NAALADL2: variants seen among roughly 807,000 people sequenced by gnomAD.
NAALADL2 encodes the protein inactive N-acetylated-alpha-linked acidic dipeptidase-like protein 2.
NAALADL2 carries 76 observed loss-of-function variants against 87.2 expected under a neutral mutation model. The observed-to-expected ratio is 0.87, with a 90% CI of 0.72 to 1.05. NAALADL2 has a LOEUF of 1.05. Among genes scored for constraint, NAALADL2 ranks in the 50% least tolerant of loss-of-function variants. The probability of loss-of-function intolerance (pLI) is 0.00; values close to 1 mark genes in which losing one functional copy is unlikely to be tolerated. For missense variants in NAALADL2, 1,089 were observed against 945.8 expected, an observed-to-expected ratio of 1.15 and a Z score of -1.99; for synonymous variants, 354 against 331.0, an observed-to-expected ratio of 1.07 and a Z score of -0.75.
At chr3:175,605,879 A>T (rs1723666228) in intron 10 of NAALADL2, among the ~76,000 whole-genome samples, 1 of 152,134 alleles carries the variant, frequency 6.6e-6, no homozygotes, top group South Asian at 2.1e-4. Flanking sequence ...ACTCAGGGTG[A>T]ATAAAATAAC....
chr3:175,139,734 A>G (rs1729708436), intron 2 of NAALADL2, among the ~76,000 whole-genome samples: 1 of 152,182 alleles, frequency 6.6e-6, no homozygotes, highest in African/African-American at 2.4e-5. Context: ...CTTATATTTG[A>G]AGATTGCATT....
chr3:174,979,255 T>C (rs1744776873), intron 1 of NAALADL2, among the ~76,000 whole-genome samples: 1 of 151,666 alleles, frequency 6.6e-6, no homozygotes, highest in Non-Finnish European at 1.5e-5. Context: ...ATCACAGTAT[T>C]GTAATAAAAG....
chr3:175,040,038 C>T (rs1284496841), intron 1 of NAALADL2, among the ~76,000 whole-genome samples: 1 of 152,166 alleles, frequency 6.6e-6, no homozygotes. Flanking sequence ...TATGTGCACA[C>T]ACACGCATAC....
chr3:175,484,821 A>G (rs1418849715), intron 9 of NAALADL2, among the ~76,000 whole-genome samples: 1 of 152,136 alleles, frequency 6.6e-6, no homozygotes, highest in Non-Finnish European at 1.5e-5. Context: ...TTTTTGTCAC[A>G]TGGAAACAAG....
intron 1 of NAALADL2, among the ~76,000 whole-genome samples, chr3:174,998,802 C>T (rs1021420147): frequency 3.3e-5 from 5 of 152,244 alleles, no homozygotes; most frequent in Admixed American, 3.3e-4. Context: ...CCAGGCAAAA[C>T]CTATATTTTA....
intron 2 of NAALADL2, among the ~76,000 whole-genome samples, chr3:174,726,730 T>G (rs1263416349): frequency 6.6e-6 from 1 of 152,158 alleles, no homozygotes; most frequent in African/African-American, 2.4e-5. Flanking sequence ...GGCTCTTCTT[T>G]TCTTGCCCCT....
chr3:175,003,111 T>C (rs1257304991), intron 1 of NAALADL2, among the ~76,000 whole-genome samples: 3 of 152,224 alleles, frequency 2.0e-5, no homozygotes, highest in Admixed American at 6.5e-5. Flanking sequence ...CTTGACACTT[T>C]TCTGCTCATC....
chr3:175,783,668 T>A (rs535789684), intron 13 of NAALADL2, among the ~76,000 whole-genome samples: 2 of 152,084 alleles, frequency 1.3e-5, no homozygotes, highest in Admixed American at 6.5e-5. Context: ...TTTGACTTCC[T>A]CTTTTCCTAA....
intron 2 of NAALADL2, among the ~76,000 whole-genome samples, chr3:175,219,118 CAT>C (rs1354948178): frequency 6.6e-6 from 1 of 151,906 alleles, no homozygotes; most frequent in African/African-American, 2.4e-5. Flanking sequence ...TCTTCATATA[CAT>C]ATATATGCAT....
chr3:175,732,861 A>C (rs1445972557), intron 11 of NAALADL2, among the ~76,000 whole-genome samples: 1 of 151,396 alleles, frequency 6.6e-6, no homozygotes, highest in African/African-American at 2.4e-5. Flanking sequence ...CAATGAGAAC[A>C]CATGTACATG....
intron 2 of NAALADL2, among the ~76,000 whole-genome samples, chr3:174,696,924 G>A (rs1261090392): frequency 1.3e-5 from 2 of 152,062 alleles, no homozygotes; most frequent in African/African-American, 4.8e-5. Flanking sequence ...TTCAACAAGT[G>A]TAAAATTCAA....
chr3:174,855,773 AATAC>A (rs1179521288), upstream of NAALADL2, among the ~76,000 whole-genome samples: 1 of 77,838 alleles, frequency 1.3e-5, no homozygotes, highest in African/African-American at 5.6e-5. Flanking sequence ...TCAGGAGAGA[AATAC>A]ACACACACAC....
Position 174,589,877 on chromosome 3 carries a change from G to A in NAALADL2, c.-115+39240G>A, listed in dbSNP as rs193002924. Among the ~76,000 whole-genome samples, 829 of 149,520 alleles carry A rather than the reference G, an allele frequency of 5.5e-3. 12 individuals are homozygous for A. Among genetic ancestry groups the A allele is most frequent in the African/African-American group, 0.019 (766 of 40,772 alleles). On this transcript the variant is annotated intron_variant, in intron 2 of 3. Transcript: ENST00000434257. ...GCTGTGTTTTTTTTTTTTGAAAAAAGTCATATATATATTTGAAAATGCCAT... is the reference window on the plus strand; with the variant it reads ...GCTGTGTTTTTTTTTTTTGAAAAAAATCATATATATATTTGAAAATGCCAT...
chr3:175,089,767 A>T (rs1719732160), intron 1 of NAALADL2, among the ~76,000 whole-genome samples: 1 of 152,190 alleles, frequency 6.6e-6, no homozygotes, highest in Admixed American at 6.5e-5. Flanking sequence ...AAAAAATAAG[A>T]TTAAAAACAA....
chr3:174,706,315 G>T (rs1730063308), intron 2 of NAALADL2, among the ~76,000 whole-genome samples: 1 of 152,122 alleles, frequency 6.6e-6, no homozygotes, highest in African/African-American at 2.4e-5. Flanking sequence ...AAAATGTATT[G>T]CAGGCCTAAA....
chr3:174,717,104 A>G (rs1731261851), intron 2 of NAALADL2, among the ~76,000 whole-genome samples: 1 of 152,200 alleles, frequency 6.6e-6, no homozygotes, highest in African/African-American at 2.4e-5. Context: ...CTGAAAACCT[A>G]GACTGTTTAA....
intron 4 of NAALADL2, among the ~76,000 whole-genome samples, chr3:175,267,188 G>A (rs1752073166): frequency 6.6e-6 from 1 of 151,864 alleles, no homozygotes; most frequent in Admixed American, 6.6e-5. Context: ...AAGGTTATAG[G>A]CAAAACATAT....
chr3:175,131,319 C>T (rs894019889), intron 2 of NAALADL2, among the ~76,000 whole-genome samples: 1 of 151,960 alleles, frequency 6.6e-6, no homozygotes, highest in African/African-American at 2.4e-5. Context: ...GTGTTTGTGT[C>T]CCTGGATACT....
intron 2 of NAALADL2, among the ~76,000 whole-genome samples, chr3:174,629,234 T>A (rs1031418382): frequency 6.6e-6 from 1 of 151,986 alleles, no homozygotes; most frequent in African/African-American, 2.4e-5. Context: ...CATAGAAGAG[T>A]TGTTTTTAGG....
Sources: gnomAD v4.1 joint callset for allele counts (sites outside exome capture counted in the v4.1 genomes callset) on GRCh38, gnomAD v4.1.1 for gene constraint, MANE v1.5 for transcripts, NCBI Gene and HGNC (gene_info 2026-07-23, HGNC 2026-07-21) for gene names.